Variants in LOC128462377 observed in about 807,000 individuals in gnomAD.
chr16:89,415,170 T>G, the LOC128462377 span, among the ~76,000 whole-genome samples: 1 of 151,520 alleles, frequency 6.6e-6, no homozygotes, highest in African/African-American at 2.4e-5. Flanking sequence ...CTCAGGCTGG[T>G]CTCGCACTCC....
chr16:89,384,553 A>ATGGGT, the LOC128462377 span, among the ~76,000 whole-genome samples: 1 of 150,692 alleles, frequency 6.6e-6, no homozygotes, highest in Non-Finnish European at 1.5e-5. Flanking sequence ...ATGGGATGGG[A>ATGGGT]TGGGAATGGG....
At chr16:89,332,230 T>A in the LOC128462377 span, among the ~76,000 whole-genome samples, 6 of 152,106 alleles carry the variant, frequency 3.9e-5, no homozygotes, top group African/African-American at 1.4e-4. Flanking sequence ...CAATAAAGGA[T>A]CATTTTACAA....
At chr16:89,338,619 G>A in the LOC128462377 span, among the ~76,000 whole-genome samples, 1 of 150,660 alleles carries the variant, frequency 6.6e-6, no homozygotes, top group Non-Finnish European at 1.5e-5. Context: ...CAGCTACTTG[G>A]GAGGCTGAGA....
chr16:89,349,901 CACACACACACAT>C, the LOC128462377 span, among the ~76,000 whole-genome samples: 604 of 132,820 alleles, frequency 4.5e-3, 8 homozygotes, highest in Middle Eastern at 0.019. Flanking sequence ...CACACACACA[CACACACACACAT>C]ATTCAAACAA....
chr16:89,376,450 T>TCA, the LOC128462377 span, among the ~76,000 whole-genome samples: 1 of 152,162 alleles, frequency 6.6e-6, no homozygotes, highest in Non-Finnish European at 1.5e-5. Flanking sequence ...TTGTTTTTGT[T>TCA]TTTTTGAGTC....
chr16:89,379,364 G>C, the LOC128462377 span, among the ~76,000 whole-genome samples: 1 of 152,208 alleles, frequency 6.6e-6, no homozygotes, highest in African/African-American at 2.4e-5. Context: ...TGTTACCAGT[G>C]AACGGGGCTT....
the LOC128462377 span, among the ~76,000 whole-genome samples, chr16:89,380,477 T>G: frequency 6.6e-6 from 1 of 152,136 alleles, no homozygotes; most frequent in Non-Finnish European, 1.5e-5. Flanking sequence ...TCAGATAGCT[T>G]CCTTGGGGCT....
the LOC128462377 span, among the ~76,000 whole-genome samples, chr16:89,409,829 AATTTATTTATTT>A: frequency 6.6e-6 from 1 of 151,396 alleles, no homozygotes; most frequent in Non-Finnish European, 1.5e-5. Flanking sequence ...TTTCAATCTA[AATTTATTTATTT>A]ATTTATTTAT....
the LOC128462377 span, among the ~76,000 whole-genome samples, chr16:89,353,187 C>G: frequency 1.3e-5 from 2 of 151,940 alleles, no homozygotes; most frequent in Non-Finnish European, 2.9e-5. Flanking sequence ...ACTAAAAATA[C>G]AAAAATTAGC....
At chr16:89,318,799 G>A in the LOC128462377 span, among the ~76,000 whole-genome samples, 1 of 152,176 alleles carries the variant, frequency 6.6e-6, no homozygotes, top group African/African-American at 2.4e-5. Flanking sequence ...CTGGAGAGAG[G>A]GACAGGTCGG....
At chr16:89,344,071 G>A in the LOC128462377 span, among the ~76,000 whole-genome samples, 12 of 152,280 alleles carry the variant, frequency 7.9e-5, no homozygotes, top group African/African-American at 2.6e-4. Context: ...CCCAGCGGAA[G>A]CTTTTGGTGC....
chr16:89,409,829 A>AATTT, the LOC128462377 span, among the ~76,000 whole-genome samples: 215 of 151,500 alleles, frequency 1.4e-3, 2 homozygotes, highest in East Asian at 4.4e-3. Flanking sequence ...TTTCAATCTA[A>AATTT]ATTTATTTAT....
chr16:89,338,459 G>A, the LOC128462377 span, among the ~76,000 whole-genome samples: 3 of 151,164 alleles, frequency 2.0e-5, no homozygotes, highest in South Asian at 6.3e-4. Context: ...CAGGCGCTGT[G>A]GCTCACACCT....
the LOC128462377 span, among the ~76,000 whole-genome samples, chr16:89,361,198 G>A: frequency 3.3e-5 from 5 of 152,132 alleles, no homozygotes; most frequent in Admixed American, 6.5e-5. Flanking sequence ...CCACCTCTGC[G>A]CACCCCTTAG....
the LOC128462377 span, among the ~76,000 whole-genome samples, chr16:89,405,127 G>A: frequency 3.9e-5 from 6 of 152,058 alleles, no homozygotes; most frequent in South Asian, 4.2e-4. Flanking sequence ...CGGTGGAGGC[G>A]AGGTTGCGGT....
the LOC128462377 span, chr16:89,323,877 T>C: frequency 4.6e-6 from 1 of 217,646 alleles, no homozygotes; most frequent in Non-Finnish European, 9.2e-6. Context: ...TCTCACCCCA[T>C]AAGCCACACT....
chr16:89,390,892 A>G, the LOC128462377 span, among the ~76,000 whole-genome samples: 1 of 152,192 alleles, frequency 6.6e-6, no homozygotes, highest in Non-Finnish European at 1.5e-5. Context: ...ACACTGGTGA[A>G]CATGTAAGTG....
the LOC128462377 span, among the ~76,000 whole-genome samples, chr16:89,407,306 A>G: frequency 6.4e-4 from 97 of 152,182 alleles, no homozygotes; most frequent in East Asian, 0.013. Flanking sequence ...ACACGGGGGG[A>G]AAAAGAAAAA....
the LOC128462377 span, among the ~76,000 whole-genome samples, chr16:89,415,277 T>TC: frequency 7.2e-6 from 1 of 139,144 alleles, no homozygotes; most frequent in Non-Finnish European, 1.5e-5. Flanking sequence ...TTTTTTTTTT[T>TC]TTTTTGAGAT....
Sources: gnomAD v4.1 joint callset for allele counts (sites outside exome capture counted in the v4.1 genomes callset) on GRCh38, gnomAD v4.1.1 for gene constraint, MANE v1.5 for transcripts.